Variants in ZBTB16 observed in about 807,000 individuals in gnomAD.
ZBTB16 encodes zinc finger and BTB domain-containing protein 16.
ZBTB16 carries 8 observed loss-of-function variants against 56.8 expected under a neutral mutation model. The ratio of observed to expected loss-of-function variants is 0.14; its 90% CI spans 0.08 to 0.25. ZBTB16 has a LOEUF of 0.25. Ranked by LOEUF, ZBTB16 falls within the 10% of genes least tolerant of loss-of-function variation. ZBTB16 has a pLI of 1.00. For missense variants in ZBTB16, 625 were observed against 903.0 expected, an observed-to-expected ratio of 0.69 and a Z score of 3.95; for synonymous variants, 363 against 368.5, an observed-to-expected ratio of 0.98 and a Z score of 0.17.
chr11:114,092,881 G>A (rs1207515423), intron 2 of ZBTB16, among the ~76,000 whole-genome samples: 1 of 152,016 alleles, frequency 6.6e-6, no homozygotes, highest in African/African-American at 2.4e-5. Flanking sequence ...GGCTCTTGAG[G>A]GTTCTTTGGG....
chr11:114,146,937 A>G (rs957732044), intron 2 of ZBTB16, among the ~76,000 whole-genome samples: 1 of 152,006 alleles, frequency 6.6e-6, no homozygotes, highest in Non-Finnish European at 1.5e-5. Context: ...ACCAGTAAGG[A>G]AGCTAATATC....
intron 3 of ZBTB16, among the ~76,000 whole-genome samples, chr11:114,171,146 G>C (rs1013597233): frequency 2.0e-5 from 3 of 152,184 alleles, no homozygotes; most frequent in African/African-American, 7.2e-5. Context: ...ACAGTGCACT[G>C]TCTTCATTAC....
intron 2 of ZBTB16, among the ~76,000 whole-genome samples, chr11:114,139,832 G>A (rs1400081830): frequency 6.6e-6 from 1 of 152,186 alleles, no homozygotes; most frequent in Non-Finnish European, 1.5e-5. Context: ...TCTGTGAATG[G>A]GCGGCTGTGG....
chr11:114,078,699 G>A (rs992497447), intron 2 of ZBTB16, among the ~76,000 whole-genome samples: 1 of 152,080 alleles, frequency 6.6e-6, no homozygotes, highest in Non-Finnish European at 1.5e-5. Flanking sequence ...AGGAATTGAG[G>A]GGGAGGGGGT....
rs935579821 is a variant in ZBTB16 at position 114,143,279 on chromosome 11, G to A, written c.1269-13058G>A. Among the ~76,000 whole-genome samples the A allele has an allele frequency of 1.3e-5, 2 of 152,192 alleles. No homozygotes were observed. Among genetic ancestry groups the A allele is most frequent in the Non-Finnish European group, 2.9e-5 (2 of 68,040 alleles). On this transcript the variant is annotated intron_variant, in intron 2 of 6. Transcript: ENST00000335953. This position sits in a 1 kb window ranked among gnomAD's most constrained non-coding sequence, Gnocchi z 6.4. ...TCCACTAATGCTGTGCCCTTTGCAAGGCTTGAGAATACAAGATGAATGAGG... is the reference window on the plus strand; with the variant it reads ...TCCACTAATGCTGTGCCCTTTGCAAAGCTTGAGAATACAAGATGAATGAGG...
At chr11:114,145,165 T>C (rs1222065962) in intron 2 of ZBTB16, among the ~76,000 whole-genome samples, 1 of 152,258 alleles carries the variant, frequency 6.6e-6, no homozygotes, top group East Asian at 1.9e-4. Flanking sequence ...ATTTATTCAC[T>C]TAGTCCAAAA....
chr11:114,124,559 A>AC (rs1447039530), intron 2 of ZBTB16, among the ~76,000 whole-genome samples: 7 of 109,684 alleles, frequency 6.4e-5, no homozygotes, highest in African/African-American at 2.0e-4. Flanking sequence ...AAAAAAACCA[A>AC]AAAAAAAAAA....
Position 114,168,212 on chromosome 11 carries a change from G to A in ZBTB16, c.1366+11778G>A, listed in dbSNP as rs564867957. Among the ~76,000 whole-genome samples the A allele has an allele frequency of 5.9e-5, 9 of 152,362 alleles. No homozygotes were observed. The East Asian group carries it at 1.7e-3, about 29-fold the overall frequency. ...AATAACCTAATGGGTGAGTGAGCAG[G>A]CATGCGGATGGGCACATGGTAAGGA... On this transcript the variant is annotated intron_variant, in intron 3 of 6. Coordinates refer to ENST00000335953, the MANE Select transcript of ZBTB16 (RefSeq NM_006006.6).
rs189773422 is a variant in ZBTB16 at position 114,099,424 on chromosome 11, G to A, written c.1268+34856G>A. On this transcript the variant is annotated intron_variant, in intron 2 of 6. Coordinates refer to ENST00000335953, the MANE Select transcript of ZBTB16 (RefSeq NM_006006.6). ...TGTAGTTTATAATAAGGAAGTGTAG[G>A]TATTATTTAGATTTATCTCCTCTCT... 6.4e-3 allele frequency among the ~76,000 whole-genome samples: 978 copies of A among 151,848 alleles called. 22 individuals are homozygous for A. The highest frequency in any genetic ancestry group is 5.9e-3 in the Non-Finnish European group (398 of 67,960).
intron 2 of ZBTB16, among the ~76,000 whole-genome samples, chr11:114,137,672 C>G (rs1941833301): frequency 2.0e-5 from 3 of 152,078 alleles, no homozygotes; most frequent in Non-Finnish European, 2.9e-5. Context: ...GATGAAGTTA[C>G]CTGCCTACTC....
rs1216668191 is a variant in ZBTB16, at chr11:114,247,217, T to A, written c.1644T>A (p.Cys548Ter). Residue 548 changes from cysteine to a stop codon, truncating the protein, a stop_gained, in exon 6 of 7, where the codon TGT becomes TGA. Coordinates refer to ENST00000335953, the MANE Select transcript of ZBTB16 (RefSeq NM_006006.6). LOFTEE classifies it high-confidence loss of function. ...RSHTGDHPYE[C>*]EFCGSCFRDE... The stretch of plus-strand genomic sequence containing the variant: ...CCACAGGCGACCACCCCTACGAGTG[T>A]GAGTTCTGTGGCAGCTGCTTCCGGG... 1 of 1,614,166 alleles carries A rather than the reference T, an allele frequency of 6.2e-7. No homozygotes were observed. Among genetic ancestry groups the A allele is most frequent in the Non-Finnish European group, 8.5e-7 (1 of 1,180,022 alleles).
chr11:114,195,536 C>A (rs1313870768), intron 4 of ZBTB16, among the ~76,000 whole-genome samples: 1 of 152,094 alleles, frequency 6.6e-6, no homozygotes, highest in African/African-American at 2.4e-5. Flanking sequence ...AAGTTTGAGC[C>A]CTAACAGAGT....
intron 4 of ZBTB16, among the ~76,000 whole-genome samples, chr11:114,225,856 A>T (rs1179813185): frequency 2.3e-4 from 35 of 152,338 alleles, no homozygotes; most frequent in Admixed American, 2.2e-3. Context: ...TAATCATGTG[A>T]CACTGTGATA....
chr11:114,167,899 G>T (rs1053313022), intron 3 of ZBTB16, among the ~76,000 whole-genome samples: 6 of 152,154 alleles, frequency 3.9e-5, no homozygotes, highest in African/African-American at 1.4e-4. Flanking sequence ...CCTGGTGCCC[G>T]ACCGGCGAGC....
At chr11:114,142,242 A>G (rs866025994) in intron 2 of ZBTB16, among the ~76,000 whole-genome samples, 2 of 152,216 alleles carry the variant, frequency 1.3e-5, no homozygotes, top group African/African-American at 4.8e-5. Flanking sequence ...TGGGGGCTGC[A>G]GCCGACAACC....
intron 2 of ZBTB16, among the ~76,000 whole-genome samples, chr11:114,145,059 T>C (rs1942062786): frequency 6.6e-6 from 1 of 152,254 alleles, no homozygotes; most frequent in Admixed American, 6.5e-5. Context: ...GAGTGTAGCA[T>C]GTCATGTCTG....
chr11:114,153,224 T>C (rs11214881), intron 2 of ZBTB16, among the ~76,000 whole-genome samples: 32,588 of 152,210 alleles, frequency 0.21, 5,588 homozygotes, highest in African/African-American at 0.48. Context: ...GAATTAAAGA[T>C]ACGAGCAAAC....
chr11:114,190,498 G>A (rs1187507327), intron 4 of ZBTB16, among the ~76,000 whole-genome samples: 2 of 152,010 alleles, frequency 1.3e-5, no homozygotes, highest in Non-Finnish European at 2.9e-5. Flanking sequence ...ATTATATCCT[G>A]TACATGACTT....
intron 5 of ZBTB16, among the ~76,000 whole-genome samples, chr11:114,243,767 T>G (rs1944761247): frequency 6.6e-6 from 1 of 152,240 alleles, no homozygotes; most frequent in South Asian, 2.1e-4. Flanking sequence ...CAGCCACTTC[T>G]GAGCATGCCA....
Sources: allele counts gnomAD v4.1 joint callset (sites outside exome capture counted in the v4.1 genomes callset), GRCh38; gene constraint gnomAD v4.1.1; non-coding constraint Gnocchi (gnomAD v3.1); transcripts MANE v1.5; gene names NCBI Gene and HGNC (gene_info 2026-07-23, HGNC 2026-07-21).